Variants in CACNA1D observed in about 807,000 individuals in gnomAD.
The protein encoded by CACNA1D is voltage-dependent L-type calcium channel subunit alpha-1D.
In CACNA1D, 55 loss-of-function variants were observed where a neutral mutation model predicts 257.1. That is an observed-to-expected ratio of 0.21 (90% CI 0.17 to 0.27). The LOEUF (loss-of-function observed/expected upper bound fraction) is 0.27. Among genes scored for constraint, CACNA1D ranks in the 10% least tolerant of loss-of-function variants. The probability of loss-of-function intolerance (pLI) is 1.00; values close to 1 mark genes in which losing one functional copy is unlikely to be tolerated. For missense variants in CACNA1D, 1,876 were observed against 2,784.0 expected, an observed-to-expected ratio of 0.67 and a Z score of 7.34; for synonymous variants, 980 against 1,014.9, an observed-to-expected ratio of 0.97 and a Z score of 0.65.
At chr3:53,695,150 A>G (rs192947958) in intron 8 of CACNA1D, among the ~76,000 whole-genome samples, 48 of 152,246 alleles carry the variant, frequency 3.2e-4, no homozygotes, top group Admixed American at 2.8e-3. Context: ...CAAAAAATGG[A>G]CTAAGTCACA....
chr3:53,537,667 G>T (rs868283678), intron 3 of CACNA1D, among the ~76,000 whole-genome samples: 1 of 152,126 alleles, frequency 6.6e-6, no homozygotes, highest in Admixed American at 6.5e-5. Flanking sequence ...TTTGAATTAG[G>T]ATACAGGTAG....
At chr3:53,770,672 A>G (rs1209218581) in intron 32 of CACNA1D, 120 bp downstream of exon 32, 10 of 886,018 alleles carry the variant, frequency 1.1e-5, no homozygotes, top group East Asian at 2.5e-5. Flanking sequence ...ACCTAAATCA[A>G]TAGAAAACAT....
At chr3:53,720,847 A>G (rs1448059671) in intron 11 of CACNA1D, among the ~76,000 whole-genome samples, 1 of 152,242 alleles carries the variant, frequency 6.6e-6, no homozygotes, top group Non-Finnish European at 1.5e-5. Context: ...AGTTCCTCAT[A>G]AAGTTTAAAC....
chr3:53,803,427 G>A lies in CACNA1D; in HGVS notation c.5440G>A (p.Asp1814Asn), dbSNP rs767284638. 173 of 1,614,064 alleles carry A rather than the reference G, an allele frequency of 1.1e-4. No individual in the cohort carries two copies. The East Asian group carries it at 1.8e-3, about 17-fold the overall frequency. The part of the protein sequence containing the change: ...TRYYETYIRS[D>N]SGDEQLPTIC... ...GATCCTCTCTCCCAACTGCAGGTCCGACTCAGGAGATGAACAGCTCCCAAC... is the reference window on the plus strand; with the variant it reads ...GATCCTCTCTCCCAACTGCAGGTCCAACTCAGGAGATGAACAGCTCCCAAC... Residue 1814 changes from aspartate to asparagine, a missense_variant, in exon 44 of 48, where the codon GAC (aspartate) becomes AAC (asparagine). Physicochemically the swap from Asp to Asn is conservative, Grantham distance 23. Around this residue, in one of 10 missense-constraint regions of CACNA1D, gnomAD observed 491 missense variants for 554.3 expected, o/e 0.89. Coordinates refer to ENST00000350061, the MANE Select transcript of CACNA1D (RefSeq NM_001128840.3).
chr3:53,681,902 A>G (rs1182125231), intron 8 of CACNA1D, among the ~76,000 whole-genome samples: 8 of 149,274 alleles, frequency 5.4e-5, no homozygotes. Flanking sequence ...ACCCACAGAA[A>G]GGAGGTACAG....
At chr3:53,648,693 G>A (rs2094049870) in intron 3 of CACNA1D, among the ~76,000 whole-genome samples, 1 of 152,060 alleles carries the variant, frequency 6.6e-6, no homozygotes, top group South Asian at 2.1e-4. Flanking sequence ...GGGGGAAGAA[G>A]GCATGGGGGC....
At chr3:53,579,751 G>A (rs1409505305) in intron 3 of CACNA1D, among the ~76,000 whole-genome samples, 1 of 152,212 alleles carries the variant, frequency 6.6e-6, no homozygotes, top group Admixed American at 6.5e-5. Flanking sequence ...GGCAGAGTGT[G>A]TGGCTCTGAC....
Position 53,627,934 on chromosome 3 carries a change from G to A in CACNA1D, c.484-22845G>A, listed in dbSNP as rs141240976. Among the ~76,000 whole-genome samples the A allele has an allele frequency of 4.8e-3, 730 of 152,140 alleles. 23 individuals carry two copies. Among genetic ancestry groups the A allele is most frequent in the Admixed American group, 0.042 (645 of 15,284 alleles). On this transcript the variant is annotated intron_variant, in intron 3 of 47. Transcript: ENST00000350061. ...AGGCAGAGGCTGAGGTAGGAGAATC[G>A]CTTGAACCTGGGAGGCGGAGGTTGT...
rs1325536642 is a variant in CACNA1D at position 53,718,732 on chromosome 3, G to A, written c.1478+344G>A. The A allele has an allele frequency of 9.0e-6, 14 of 1,555,546 alleles. No homozygotes were observed. Among genetic ancestry groups the A allele is most frequent in the Admixed American group, 1.9e-5 (1 of 51,736 alleles). Reference sequence around the variant, plus strand: ...GCCAAGGCGGGGCCCTCTGGGTGTCGGCGGTGGGGGTAAAGGCCTGATTCT... The same window carrying A: ...GCCAAGGCGGGGCCCTCTGGGTGTCAGCGGTGGGGGTAAAGGCCTGATTCT... On this transcript the variant is annotated intron_variant, in intron 10 of 47. Transcript: ENST00000350061.
At chr3:53,792,142 C>A (rs1034878613) in intron 40 of CACNA1D, 8 of 152,200 alleles carry the variant, frequency 5.3e-5, no homozygotes, top group Admixed American at 2.6e-4. Context: ...ACCATACTTA[C>A]CCATTGAGAA....
chr3:53,753,077 G>A (rs1441928688), intron 28 of CACNA1D, among the ~76,000 whole-genome samples: 1 of 152,138 alleles, frequency 6.6e-6, no homozygotes, highest in Non-Finnish European at 1.5e-5. Context: ...TCTAAAGATA[G>A]GGATAAATTT....
chr3:53,700,577 A>G (rs917735467), intron 8 of CACNA1D, among the ~76,000 whole-genome samples: 2 of 152,236 alleles, frequency 1.3e-5, no homozygotes, highest in Middle Eastern at 3.4e-3. Flanking sequence ...ACCCCAAACC[A>G]TTCTCAGGGT....
At chr3:53,618,684 T>A (rs1219612580) in intron 3 of CACNA1D, among the ~76,000 whole-genome samples, 1 of 152,254 alleles carries the variant, frequency 6.6e-6, no homozygotes, top group Non-Finnish European at 1.5e-5. Flanking sequence ...TCAGATGTTG[T>A]GCTCCTTAAG....
chr3:53,675,036 C>G (rs886199642), intron 8 of CACNA1D, among the ~76,000 whole-genome samples: 1 of 152,228 alleles, frequency 6.6e-6, no homozygotes, highest in Non-Finnish European at 1.5e-5. Flanking sequence ...GTGCGTTTAT[C>G]CATCTCGGCT....
intron 8 of CACNA1D, among the ~76,000 whole-genome samples, chr3:53,690,279 A>G (rs1009950807): frequency 6.6e-6 from 1 of 152,300 alleles, no homozygotes; most frequent in East Asian, 1.9e-4. Flanking sequence ...CAGCTGCTGT[A>G]TTCTCAAAGC....
chr3:53,550,114 C>T (rs2092500013), intron 3 of CACNA1D, among the ~76,000 whole-genome samples: 1 of 152,146 alleles, frequency 6.6e-6, no homozygotes, highest in South Asian at 2.1e-4. Flanking sequence ...CCCACGTTGG[C>T]TCCCATGGAA....
At chr3:53,697,886 A>G (rs2094586392) in intron 8 of CACNA1D, among the ~76,000 whole-genome samples, 1 of 151,926 alleles carries the variant, frequency 6.6e-6, no homozygotes, top group Non-Finnish European at 1.5e-5. Flanking sequence ...TATTTTCTTC[A>G]TCTTGTACCT....
At chr3:53,578,435 G>GT (rs1248125878) in intron 3 of CACNA1D, among the ~76,000 whole-genome samples, 2 of 152,176 alleles carry the variant, frequency 1.3e-5, no homozygotes, top group East Asian at 3.8e-4. Flanking sequence ...ATTTGGACAA[G>GT]TAACAGTTCA....
intron 5 of CACNA1D, among the ~76,000 whole-genome samples, chr3:53,663,024 G>C (rs2094220581): frequency 6.6e-6 from 1 of 152,072 alleles, no homozygotes; most frequent in Admixed American, 6.5e-5. Flanking sequence ...CATCCTAATT[G>C]ATCATTTTTG....
Sources: gnomAD v4.1 joint callset for allele counts (sites outside exome capture counted in the v4.1 genomes callset) on GRCh38, gnomAD v4.1.1 for gene constraint, gnomAD v4.1.1 regional missense constraint, MANE v1.5 for transcripts, NCBI Gene and HGNC (gene_info 2026-07-23, HGNC 2026-07-21) for gene names.